Variants in CYTH3 observed in about 807,000 individuals in gnomAD.
The protein encoded by CYTH3 is cytohesin 3.
CYTH3 carries 23 observed loss-of-function variants against 55.1 expected under a neutral mutation model. The ratio of observed to expected loss-of-function variants is 0.42; its 90% confidence interval spans 0.30 to 0.59. The LOEUF (loss-of-function observed/expected upper bound fraction) is 0.59, where lower values mean the gene tolerates loss of function less well. Among genes scored for constraint, CYTH3 ranks in the 20% least tolerant of loss-of-function variants. CYTH3 has a pLI of 0.20. For missense variants in CYTH3, 413 were observed against 524.8 expected, an observed-to-expected ratio of 0.79 and a Z score of 2.08; for synonymous variants, 249 against 194.9, an observed-to-expected ratio of 1.28 and a Z score of -2.31.
chr7:6,243,894 TA>T (rs1779738833), intron 1 of CYTH3, among the ~76,000 whole-genome samples: 1 of 152,222 alleles, frequency 6.6e-6, no homozygotes, highest in South Asian at 2.1e-4. Context: ...AGTGAATTTT[TA>T]AAAAGATTTC....
chr7:6,175,422 C>T (rs763093614), intron 5 of CYTH3, among the ~76,000 whole-genome samples: 3 of 151,966 alleles, frequency 2.0e-5, no homozygotes, highest in African/African-American at 7.3e-5. Context: ...TGTCTTGGTA[C>T]CTGGTTGAAA....
At chr7:6,266,270 C>T (rs1283110048) in intron 1 of CYTH3, among the ~76,000 whole-genome samples, 2 of 152,098 alleles carry the variant, frequency 1.3e-5, no homozygotes, top group Non-Finnish European at 2.9e-5. Context: ...GCTTGGGTTC[C>T]AATCACAGCT....
At chr7:6,193,430 G>C (rs1783850409) in intron 1 of CYTH3, among the ~76,000 whole-genome samples, 1 of 149,572 alleles carries the variant, frequency 6.7e-6, no homozygotes, top group African/African-American at 2.5e-5. Flanking sequence ...ATCATAATTA[G>C]CAATTTAAAA....
chr7:6,171,126 G>T lies in CYTH3; in HGVS notation c.562+76C>A. Reference sequence around the variant, plus strand: ...GGTCCCCAGGAACACACGCTGGGCTGTGCCCACAGGGGCCGCCCCCTCCAG... The same window carrying T: ...GGTCCCCAGGAACACACGCTGGGCTTTGCCCACAGGGGCCGCCCCCTCCAG... On this transcript the variant is annotated intron_variant, in intron 7 of 12. Coordinates refer to ENST00000350796, the MANE Select transcript of CYTH3 (RefSeq NM_004227.4). This position sits in a 1 kb window ranked among gnomAD's most constrained non-coding sequence, Gnocchi z 6.7. 1 of 1,587,288 alleles carries T rather than the reference G, an allele frequency of 6.3e-7. No individual in the cohort carries two copies. Among genetic ancestry groups the T allele is most frequent in the South Asian group, 1.1e-5 (1 of 90,278 alleles).
chr7:6,237,632 C>CG (rs962426702), intron 1 of CYTH3, among the ~76,000 whole-genome samples: 55 of 151,916 alleles, frequency 3.6e-4, no homozygotes, highest in African/African-American at 1.3e-3. Flanking sequence ...CACTTGAACC[C>CG]GGGGGGCAGA....
In CYTH3 at chr7:6,162,059, C is replaced by CAA. The variant is rs775396125; in HGVS notation, c.*2883_*2884dup. 17 of 152,746 alleles carry CAA rather than the reference C, an allele frequency of 1.1e-4. No homozygotes were observed. Among genetic ancestry groups the CAA allele is most frequent in the South Asian group, 1.0e-3 (5 of 4,824 alleles). 9.5% of individuals were successfully genotyped at this position (152,746 alleles called of 1,614,324 possible). A position where few individuals can be genotyped will look rare whatever the true frequency, so the allele number is the denominator to read the frequency against. ...GTCTACCACAGACCTAACTTCTCAG[C>CAA]AAAGCATATCTATGTAGATATCTGC... On this transcript the variant is annotated 3_prime_UTR_variant, in exon 13 of 13. Transcript: ENST00000350796.
chr7:6,183,790 G>C (rs985619751), intron 4 of CYTH3, among the ~76,000 whole-genome samples: 8 of 152,108 alleles, frequency 5.3e-5, no homozygotes, highest in Non-Finnish European at 1.0e-4. Context: ...GCTATCTGGA[G>C]ACGGGGTCTT....
chr7:6,233,571 G>A (rs1409685869), intron 1 of CYTH3, among the ~76,000 whole-genome samples: 2 of 150,540 alleles, frequency 1.3e-5, no homozygotes, highest in Non-Finnish European at 3.0e-5. Context: ...CAGGAGAATC[G>A]CTTGAACCCA....
intron 5 of CYTH3, among the ~76,000 whole-genome samples, chr7:6,174,351 G>A (rs906003291): frequency 6.6e-6 from 1 of 150,518 alleles, no homozygotes; most frequent in Non-Finnish European, 1.5e-5. Context: ...CCGACCTCAG[G>A]TGATCCGCCC....
chr7:6,232,888 C>A (rs1228522372), intron 1 of CYTH3, among the ~76,000 whole-genome samples: 1 of 152,174 alleles, frequency 6.6e-6, no homozygotes, highest in Non-Finnish European at 1.5e-5. Flanking sequence ...TTTACATCCA[C>A]TTCGGGTGCC....
chr7:6,211,367 C>A (rs1481775528), intron 1 of CYTH3, among the ~76,000 whole-genome samples: 1 of 152,260 alleles, frequency 6.6e-6, no homozygotes, highest in Non-Finnish European at 1.5e-5. Flanking sequence ...TGGCTGAATG[C>A]ACGTTTTGTG....
At chr7:6,239,281 A>G (rs1386080494) in intron 1 of CYTH3, among the ~76,000 whole-genome samples, 4 of 152,124 alleles carry the variant, frequency 2.6e-5, no homozygotes, top group Non-Finnish European at 5.9e-5. Context: ...TGGAAGAGAG[A>G]AAGAGAAGAG....
rs551421570 is a variant in CYTH3, at chr7:6,235,570, G to A, written c.34+36904C>T. Among the ~76,000 whole-genome samples the A allele has an allele frequency of 7.2e-5, 11 of 151,880 alleles. No homozygotes were observed. In the South Asian group the frequency reaches 1.9e-3, roughly 26 times the overall value. On this transcript the variant is annotated intron_variant, in intron 1 of 12. Transcript: ENST00000350796. ...CATCCTCACGAAGCTCCCTAAGAGC[G>A]GCCCCTAGGTCCTGCCTAACTCCGT...
intron 1 of CYTH3, among the ~76,000 whole-genome samples, chr7:6,264,421 A>G (rs1479697324): frequency 6.6e-6 from 1 of 152,110 alleles, no homozygotes; most frequent in Non-Finnish European, 1.5e-5. Flanking sequence ...AGAGCAGCCT[A>G]GCCAACAAGG....
rs142660731 is a variant in CYTH3, at chr7:6,168,260, C to G, written c.823+2275G>C. ...TTTTTCTGGTGATTGATTCAAGACT[C>G]GAAGTCTTAAGTTACCAACAATCGT... On this transcript the variant is annotated intron_variant, in intron 9 of 12. Coordinates refer to ENST00000350796, the MANE Select transcript of CYTH3 (RefSeq NM_004227.4). Among the ~76,000 whole-genome samples the G allele has an allele frequency of 5.3e-3, 773 of 145,230 alleles. 5 individuals carry two copies. The highest frequency in any genetic ancestry group is 8.3e-3 in the Non-Finnish European group (559 of 67,136).
intron 1 of CYTH3, among the ~76,000 whole-genome samples, chr7:6,256,987 C>A (rs759888859): frequency 6.6e-6 from 1 of 152,240 alleles, no homozygotes; most frequent in African/African-American, 2.4e-5. Context: ...TAGTAACCAT[C>A]TGACTAGTAT....
chr7:6,168,228 T>G (rs888234150), intron 9 of CYTH3, among the ~76,000 whole-genome samples: 1 of 151,440 alleles, frequency 6.6e-6, no homozygotes. Context: ...GATTTTTTTT[T>G]TTTTTTTTTT....
chr7:6,186,255 A>C (rs1185949055), intron 4 of CYTH3, among the ~76,000 whole-genome samples: 1 of 151,212 alleles, frequency 6.6e-6, no homozygotes, highest in African/African-American at 2.4e-5. Flanking sequence ...AAAAAAAAAA[A>C]AAAAAAAAAA....
intron 1 of CYTH3, among the ~76,000 whole-genome samples, chr7:6,208,879 C>A (rs747811823): frequency 3.9e-4 from 60 of 152,168 alleles, no homozygotes; most frequent in Non-Finnish European, 5.6e-4. Flanking sequence ...AGATCTTCTC[C>A]ATCAGAAACA....
Sources: allele counts gnomAD v4.1 joint callset (sites outside exome capture counted in the v4.1 genomes callset), GRCh38; gene constraint gnomAD v4.1.1; non-coding constraint Gnocchi (gnomAD v3.1); transcripts MANE v1.5; gene names NCBI Gene and HGNC (gene_info 2026-07-23, HGNC 2026-07-21).